CFAP206: variants seen among roughly 807,000 people sequenced by gnomAD.
The protein encoded by CFAP206 is cilia and flagella associated protein 206.
Under a neutral mutation model 65.4 loss-of-function variants are expected in CFAP206, and 53 were observed. The observed-to-expected ratio is 0.81, with a 90% CI of 0.65 to 1.02. The LOEUF is 1.02. CFAP206 is among the 50% of genes least tolerant of loss of function. The probability of loss-of-function intolerance (pLI) is 0.00; values close to 1 mark genes in which losing one functional copy is unlikely to be tolerated. For synonymous variants in CFAP206, 250 were observed against 254.4 expected, an observed-to-expected ratio of 0.98 and a Z score of 0.17; for missense variants, 663 against 753.2, an observed-to-expected ratio of 0.88 and a Z score of 1.40.
At chr6:87,454,762 T>G (rs550188465) in intron 11 of CFAP206, among the ~76,000 whole-genome samples, 8 of 148,072 alleles carry the variant, frequency 5.4e-5, no homozygotes, top group Non-Finnish European at 1.5e-5. Context: ...GGAGAATTGC[T>G]TGAACCCGGG....
Position 87,415,773 on chromosome 6 carries a change from A to C in CFAP206, c.371A>C (p.Lys124Thr). The C allele has an allele frequency of 6.2e-7, 1 of 1,613,706 alleles. No individual in the cohort carries two copies. Among genetic ancestry groups the C allele is most frequent in the Non-Finnish European group, 8.5e-7 (1 of 1,179,770 alleles). The change falls in exon 5 of 13, where the codon AAA becomes ACA. Residue 124 changes from lysine (K) to threonine (T), a missense_variant. Physicochemically the swap from Lys to Thr is moderately conservative, Grantham distance 78 (BLOSUM62 -1). Coordinates refer to ENST00000369562, the MANE Select transcript of CFAP206 (RefSeq NM_001031743.3). ...ATTACAGATAACAGAGCATGTGCTA[A>C]AGAAGAATTGGAAAGCCTCTACCGG... ...REITDNRACAKEELESLYRKI... is the reference protein window; with the variant it reads ...REITDNRACATEELESLYRKI...
chr6:87,440,627 A>G (rs1182488316), intron 11 of CFAP206, among the ~76,000 whole-genome samples: 1 of 152,192 alleles, frequency 6.6e-6, no homozygotes, highest in Non-Finnish European at 1.5e-5. Flanking sequence ...CAACTCATAG[A>G]TGGAAAATTT....
At chr6:87,430,830 G>A (rs933229701) in intron 9 of CFAP206, among the ~76,000 whole-genome samples, 5 of 152,174 alleles carry the variant, frequency 3.3e-5, no homozygotes, top group African/African-American at 9.7e-5. Context: ...CTTACGTGAC[G>A]TTATATGTCA....
At chr6:87,410,120 A>G (rs1477616671) in intron 2 of CFAP206, among the ~76,000 whole-genome samples, 173 bp downstream of exon 2, 1 of 152,206 alleles carries the variant, frequency 6.6e-6, no homozygotes, top group Non-Finnish European at 1.5e-5. Context: ...AGAGCATGTG[A>G]GTTCTAGATT....
At chr6:87,458,434 C>A (rs1389119104) in intron 11 of CFAP206, among the ~76,000 whole-genome samples, 1 of 152,070 alleles carries the variant, frequency 6.6e-6, no homozygotes, top group Non-Finnish European at 1.5e-5. Context: ...CCATCAAAGA[C>A]AACTGGATAA....
intron 8 of CFAP206, among the ~76,000 whole-genome samples, chr6:87,428,237 C>G (rs1768087508): frequency 6.6e-6 from 1 of 151,856 alleles, no homozygotes; most frequent in Non-Finnish European, 1.5e-5. Context: ...ATCCGCCCAC[C>G]TTGGCCTCCC....
At chr6:87,441,624 T>G (rs1257593267) in intron 11 of CFAP206, 4 of 171,730 alleles carry the variant, frequency 2.3e-5, no homozygotes, top group Non-Finnish European at 4.9e-5. Flanking sequence ...CTATCAGAAT[T>G]TCCAGGGTTT....
At chr6:87,445,674 C>A (rs1400525270) in intron 11 of CFAP206, among the ~76,000 whole-genome samples, 1 of 152,172 alleles carries the variant, frequency 6.6e-6, no homozygotes, top group Non-Finnish European at 1.5e-5. Context: ...CATACACATG[C>A]ATGTATCTTT....
chr6:87,463,280 A>T (rs755074772), intron 12 of CFAP206, among the ~76,000 whole-genome samples: 50 of 152,238 alleles, frequency 3.3e-4, no homozygotes, highest in Non-Finnish European at 5.6e-4. Context: ...ACAATGGAAT[A>T]GTAAAGTCAT....
intron 11 of CFAP206, 136 bp downstream of exon 11, chr6:87,435,189 G>A: frequency 3.5e-5 from 19 of 548,884 alleles, no homozygotes; most frequent in South Asian, 8.9e-5. Flanking sequence ...TGTCTGAAAG[G>A]GATTCATATC....
intron 2 of CFAP206, 54 bp from the exon 3 acceptor site, chr6:87,410,531 A>C: frequency 7.9e-7 from 1 of 1,273,418 alleles, no homozygotes; most frequent in Non-Finnish European, 1.1e-6. Context: ...TATGAAATAA[A>C]ATTGCTTAAT....
At chr6:87,448,144 C>T (rs1768477877) in intron 11 of CFAP206, among the ~76,000 whole-genome samples, 1 of 151,972 alleles carries the variant, frequency 6.6e-6, no homozygotes, top group Non-Finnish European at 1.5e-5. Flanking sequence ...TGTGATGTTC[C>T]CCTCCCTGTG....
At chr6:87,430,561 ATTT>A (rs1768138241) in intron 9 of CFAP206, among the ~76,000 whole-genome samples, 1 of 152,164 alleles carries the variant, frequency 6.6e-6, no homozygotes, top group East Asian at 1.9e-4. Context: ...TATTAAACAT[ATTT>A]TGCCACCTAG....
chr6:87,437,115 G>A (rs1405973568), intron 11 of CFAP206, among the ~76,000 whole-genome samples: 13 of 152,040 alleles, frequency 8.6e-5, no homozygotes, highest in African/African-American at 2.4e-5. Flanking sequence ...GATTACAGGC[G>A]TCTGCCAACA....
chr6:87,425,193 T>G (rs543929902), intron 7 of CFAP206, among the ~76,000 whole-genome samples: 3 of 152,198 alleles, frequency 2.0e-5, no homozygotes, highest in Non-Finnish European at 4.4e-5. Context: ...AAACTTTTAG[T>G]TTCTTGAAAA....
At chr6:87,461,861 ACT>A (rs1348483413) in intron 12 of CFAP206, among the ~76,000 whole-genome samples, 1 of 152,206 alleles carries the variant, frequency 6.6e-6, no homozygotes, top group Non-Finnish European at 1.5e-5. Context: ...GGAGTCAGAC[ACT>A]GTCACTTGTG....
At chr6:87,438,539 A>AT (rs1219239165) in intron 11 of CFAP206, among the ~76,000 whole-genome samples, 4 of 151,170 alleles carry the variant, frequency 2.6e-5, no homozygotes, top group Non-Finnish European at 4.4e-5. Context: ...TCACAGAAAT[A>AT]TTTTTTCTGT....
At chr6:87,421,014 T>C (rs768933552) in intron 7 of CFAP206, among the ~76,000 whole-genome samples, 56 of 152,240 alleles carry the variant, frequency 3.7e-4, no homozygotes, top group Non-Finnish European at 6.3e-4. Context: ...GTTTAATCAG[T>C]ATTATCTCTA....
intron 7 of CFAP206, among the ~76,000 whole-genome samples, chr6:87,424,435 C>T (rs754526093): frequency 7.2e-5 from 11 of 151,940 alleles, no homozygotes; most frequent in South Asian, 2.1e-4. Flanking sequence ...GGTGCCACCA[C>T]GCCCAGCTAA....
Sources: allele counts gnomAD v4.1 joint callset (sites outside exome capture counted in the v4.1 genomes callset), GRCh38; gene constraint gnomAD v4.1.1; transcripts MANE v1.5; gene names NCBI Gene and HGNC (gene_info 2026-07-23, HGNC 2026-07-21).